CCDC80: variants seen among roughly 807,000 people sequenced by gnomAD.
The protein encoded by CCDC80 is coiled-coil domain-containing protein 80.
CCDC80 carries 49 observed loss-of-function variants against 78.7 expected under a neutral mutation model. The ratio of observed to expected loss-of-function variants is 0.62; its 90% CI spans 0.50 to 0.79. The LOEUF is 0.79. Ranked by LOEUF, CCDC80 falls within the 30% of genes least tolerant of loss-of-function variation. The pLI is 0.00. For synonymous variants in CCDC80, 488 were observed against 447.0 expected (o/e 1.09, Z -1.16); for missense variants, 1,205 against 1,198.6 (o/e 1.01, Z -0.08).
chr3:112,629,814 T>C (rs1274530174), intron 3 of CCDC80, among the ~76,000 whole-genome samples: 2 of 152,236 alleles, frequency 1.3e-5, no homozygotes, highest in African/African-American at 2.4e-5. Flanking sequence ...AAAAAGTGTC[T>C]GAATGCCTCT....
chr3:112,632,957 G>A (rs749129685), intron 2 of CCDC80, among the ~76,000 whole-genome samples: 4 of 152,154 alleles, frequency 2.6e-5, no homozygotes, highest in Admixed American at 6.5e-5. Flanking sequence ...TGGGCAGAGA[G>A]GCATAGAGAA....
rs1935468044 is a variant in CCDC80 at position 112,605,588 on chromosome 3, A to C, written c.2682T>G (p.Asp894Glu). Reference sequence around the variant, plus strand: ...TTTCCTGTCTCCGAAGTTGCATCGAATCAATTAAATCGTACACAATCACCA... The same window carrying C: ...TTTCCTGTCTCCGAAGTTGCATCGACTCAATTAAATCGTACACAATCACCA... ...WSMVIVYDLIDSMQLRRQEMA... is the reference protein window; with the variant it reads ...WSMVIVYDLIESMQLRRQEMA... The change falls in exon 8 of 8, where the codon GAT becomes GAG. Residue 894 changes from aspartate (D) to glutamate (E), a missense_variant. Asp to Glu is a conservative substitution (Grantham distance 45). Coordinates refer to ENST00000206423, the MANE Select transcript of CCDC80 (RefSeq NM_199511.3). 6.2e-7 allele frequency: 1 copy of C among 1,614,208 alleles called. No individual in the cohort carries two copies. The highest frequency in any genetic ancestry group is 8.5e-7 in the Non-Finnish European group (1 of 1,180,036).
chr3:112,608,825 T>A (rs565253302), intron 6 of CCDC80, among the ~76,000 whole-genome samples: 1 of 152,218 alleles, frequency 6.6e-6, no homozygotes, highest in Non-Finnish European at 1.5e-5. Flanking sequence ...CTTACTATTA[T>A]GAGTTTGGTT....
intron 6 of CCDC80, 138 bp downstream of exon 6, chr3:112,609,840 A>G (rs1256665417): frequency 1.6e-5 from 10 of 627,116 alleles, no homozygotes; most frequent in Non-Finnish European, 2.7e-5. Flanking sequence ...TACTCAATAT[A>G]GTAGAGTATG....
At chr3:112,623,454 G>T (rs917349319) in intron 3 of CCDC80, among the ~76,000 whole-genome samples, 3 of 151,976 alleles carry the variant, frequency 2.0e-5, no homozygotes, top group African/African-American at 4.8e-5. Context: ...TTAGCCTCTC[G>T]CATTCCTTTG....
Position 112,615,504 on chromosome 3 carries a change from G to A in CCDC80, c.2321+1206C>T, listed in dbSNP as rs1039522305. ...CTCAGTAGAAGTTTCATCCTACATC[G>A]GGGGAGGGGAGGGGAAGGGAGAAAA... On this transcript the variant is annotated intron_variant, in intron 5 of 7. Coordinates refer to ENST00000206423, the MANE Select transcript of CCDC80 (RefSeq NM_199511.3). Among the ~76,000 whole-genome samples, 7 of 152,134 alleles carry A rather than the reference G, an allele frequency of 4.6e-5. No homozygotes were observed. In the East Asian group the frequency reaches 7.7e-4, roughly 17 times the overall value.
rs988958735 is a variant in CCDC80 at position 112,597,074 on chromosome 3, A to G, written c.*8343T>C. 5.9e-5 allele frequency: 9 copies of G among 152,174 alleles called. No individual in the cohort carries two copies. Among genetic ancestry groups the G allele is most frequent in the African/African-American group, 2.2e-4 (9 of 41,448 alleles). 9.4% of individuals were successfully genotyped at this position (152,174 alleles called of 1,614,324 possible). A position where few individuals can be genotyped will look rare whatever the true frequency, so the allele number is the denominator to read the frequency against. On this transcript the variant is annotated 3_prime_UTR_variant, in exon 8 of 8. Coordinates refer to ENST00000206423, the MANE Select transcript of CCDC80 (RefSeq NM_199511.3). Reference sequence around the variant, plus strand: ...TGTATTAGGCCAGTTGGAAACCATCATTAAAGAAACTGACCCTGGTGATCA... The same window carrying G: ...TGTATTAGGCCAGTTGGAAACCATCGTTAAAGAAACTGACCCTGGTGATCA...
intron 2 of CCDC80, among the ~76,000 whole-genome samples, chr3:112,635,548 C>T (rs1435643936): frequency 6.6e-6 from 1 of 152,208 alleles, no homozygotes; most frequent in Non-Finnish European, 1.5e-5. Context: ...TCTTTTCTCT[C>T]CATCTTTTGC....
In CCDC80 at chr3:112,603,729, CAAG is replaced by C. The variant is rs1312946393; in HGVS notation, c.*1685_*1687del. On this transcript the variant is annotated 3_prime_UTR_variant, in exon 8 of 8. Coordinates refer to ENST00000206423, the MANE Select transcript of CCDC80 (RefSeq NM_199511.3). The stretch of plus-strand genomic sequence containing the variant: ...AATACCTATTGTGCAGCACAGGAAT[CAAG>C]GAGTCATTTGCACTTTTCGTAAGAC... The C allele has an allele frequency of 1.3e-5, 2 of 151,828 alleles. No homozygotes were observed. The highest frequency in any genetic ancestry group is 2.9e-5 in the Non-Finnish European group (2 of 67,986). The allele number at this position is 151,828 out of a possible 1,614,324, so 9.4% of individuals were successfully genotyped here. A position where few individuals can be genotyped will look rare whatever the true frequency, so the allele number is the denominator to read the frequency against.
chr3:112,631,488 G>A (rs977948613), intron 2 of CCDC80, among the ~76,000 whole-genome samples: 9 of 152,118 alleles, frequency 5.9e-5, no homozygotes, highest in African/African-American at 2.2e-4. Flanking sequence ...TCATTTTTCT[G>A]TAAACAACTT....
Position 112,640,708 on chromosome 3 carries a change from G to C in CCDC80, c.-393C>G, listed in dbSNP as rs1936323135. 6.6e-6 allele frequency: 1 copy of C among 151,744 alleles called. No individual in the cohort carries two copies. The highest frequency in any genetic ancestry group is 2.4e-5 in the African/African-American group (1 of 41,244). The allele number at this position is 151,744 out of a possible 1,614,324, so 9.4% of individuals were successfully genotyped here. A position where few individuals can be genotyped will look rare whatever the true frequency, so the allele number is the denominator to read the frequency against. On this transcript the variant is annotated 5_prime_UTR_variant, in exon 1 of 8. Coordinates refer to ENST00000206423, the MANE Select transcript of CCDC80 (RefSeq NM_199511.3). ...AGGACGTCCCTTAAAGTCCAGTCCT[G>C]GCGATTTCTGAATCTCACTCTTTCC...
At chr3:112,619,177 G>A in intron 3 of CCDC80, 73 bp from the exon 4 acceptor site, 6 of 1,407,984 alleles carry the variant, frequency 4.3e-6, no homozygotes, top group Non-Finnish European at 5.7e-6. Context: ...ATGGGTGAAG[G>A]CTTTGGGCCT....
At chr3:112,626,251 C>T (rs189318376) in intron 3 of CCDC80, among the ~76,000 whole-genome samples, 162 of 152,280 alleles carry the variant, frequency 1.1e-3, no homozygotes, top group African/African-American at 3.8e-3. Flanking sequence ...CAGAGGGGGA[C>T]ACACAGCCAC....
At chr3:112,631,314 G>A (rs569257840) in intron 2 of CCDC80, among the ~76,000 whole-genome samples, 2 of 152,254 alleles carry the variant, frequency 1.3e-5, no homozygotes, top group African/African-American at 4.8e-5. Context: ...GCATAATGCT[G>A]CTTACCTTGG....
Position 112,618,991 on chromosome 3 carries a change from T to C in CCDC80, c.2149A>G (p.Thr717Ala), listed in dbSNP as rs371029935. ...ACCTTGACTCTCAGATCCACATCTG[T>C]TAGCACCATGAAGAAGTCATTGTAG... ...MTYNDFFMVL[T>A]DVDLRVKQYY... The change falls in exon 4 of 8, where the codon ACA becomes GCA. Residue 717 changes from threonine (T) to alanine (A), a missense_variant. Coordinates refer to ENST00000206423, the MANE Select transcript of CCDC80 (RefSeq NM_199511.3). 2.5e-6 allele frequency: 4 copies of C among 1,613,878 alleles called. No homozygotes were observed. The African/African-American group carries it at 4.0e-5, about 16-fold the overall frequency.
At chr3:112,608,858 C>T (rs1935566938) in intron 6 of CCDC80, among the ~76,000 whole-genome samples, 2 of 152,060 alleles carry the variant, frequency 1.3e-5, no homozygotes, top group African/African-American at 4.8e-5. Context: ...TGAGTTATTT[C>T]ATATCTTAAA....
intron 3 of CCDC80, among the ~76,000 whole-genome samples, chr3:112,623,454 G>A (rs917349319): frequency 2.0e-5 from 3 of 151,976 alleles, no homozygotes; most frequent in Admixed American, 1.3e-4. Context: ...TTAGCCTCTC[G>A]CATTCCTTTG....
intron 4 of CCDC80, 120 bp from the exon 5 acceptor site, chr3:112,616,978 A>G: frequency 1.0e-6 from 1 of 979,110 alleles, no homozygotes; most frequent in Non-Finnish European, 1.5e-6. Context: ...ATCAGAGCCT[A>G]GAAGATTCAT....
chr3:112,630,493 C>T (rs1379953026), intron 2 of CCDC80, among the ~76,000 whole-genome samples: 1 of 152,174 alleles, frequency 6.6e-6, no homozygotes, highest in Non-Finnish European at 1.5e-5. Flanking sequence ...CCATTATTTA[C>T]CTCCATTACT....
Sources: allele counts gnomAD v4.1 joint callset (sites outside exome capture counted in the v4.1 genomes callset), GRCh38; gene constraint gnomAD v4.1.1; transcripts MANE v1.5; gene names NCBI Gene and HGNC (gene_info 2026-07-23, HGNC 2026-07-21).